The following CHRM3 variants were observed in gnomAD, a reference collection of about 807,000 sequenced individuals.
CHRM3 encodes muscarinic acetylcholine receptor M3.
Under a neutral mutation model 41.8 loss-of-function variants are expected in CHRM3, and 11 were observed. The ratio of observed to expected loss-of-function variants is 0.26; its 90% CI spans 0.17 to 0.44. The LOEUF (loss-of-function observed/expected upper bound fraction) is 0.44. CHRM3 is among the 20% of genes least tolerant of loss of function. CHRM3 has a pLI of 1.00. For missense variants in CHRM3, 571 were observed against 745.4 expected (o/e 0.77, Z 2.72); for synonymous variants, 297 against 301.4 (o/e 0.99, Z 0.15).
intron 6 of CHRM3, among the ~76,000 whole-genome samples, chr1:239,873,745 G>A (rs953914348): frequency 2.0e-5 from 3 of 152,076 alleles, no homozygotes; most frequent in Admixed American, 6.5e-5. Context: ...CCTTCTCATG[G>A]TTCCCCCTGC....
chr1:239,473,685 C>T (rs1284812975), intron 1 of CHRM3, among the ~76,000 whole-genome samples: 3 of 152,086 alleles, frequency 2.0e-5, no homozygotes, highest in Non-Finnish European at 4.4e-5. Context: ...ACTGTGGAAT[C>T]CTGTTCGCTG....
At chr1:239,881,253 A>G (rs1336376440) in intron 6 of CHRM3, among the ~76,000 whole-genome samples, 3 of 109,276 alleles carry the variant, frequency 2.7e-5, no homozygotes, top group Non-Finnish European at 5.1e-5. Flanking sequence ...CCTGCACTCC[A>G]GCCTGGGCGA....
chr1:239,552,336 T>A (rs1048200094), intron 3 of CHRM3, among the ~76,000 whole-genome samples: 3 of 148,182 alleles, frequency 2.0e-5, no homozygotes, highest in African/African-American at 4.9e-5. Context: ...ATAGATGATA[T>A]GTATCATATT....
chr1:239,567,144 GCTGTTTAAC>G (rs1035972305), intron 3 of CHRM3, among the ~76,000 whole-genome samples: 3 of 151,932 alleles, frequency 2.0e-5, no homozygotes, highest in Admixed American at 2.0e-4. Flanking sequence ...ACTGTTATGG[GCTGTTTAAC>G]CTATCTATTA....
chr1:239,483,408 C>T (rs118115330), intron 1 of CHRM3, among the ~76,000 whole-genome samples: 4 of 152,220 alleles, frequency 2.6e-5, no homozygotes, highest in East Asian at 3.9e-4. Flanking sequence ...TTCCTGTGTA[C>T]GGTCCTGGAA....
chr1:239,747,368 G>T (rs1452400071), intron 5 of CHRM3, among the ~76,000 whole-genome samples: 1 of 152,118 alleles, frequency 6.6e-6, no homozygotes, highest in Non-Finnish European at 1.5e-5. Context: ...CAAGTTTGTA[G>T]TAAGTCCAAC....
At chr1:239,420,904 T>G (rs1367771707) in intron 1 of CHRM3, among the ~76,000 whole-genome samples, 1 of 152,200 alleles carries the variant, frequency 6.6e-6, no homozygotes, top group African/African-American at 2.4e-5. Flanking sequence ...ACATTTAACC[T>G]GTAGGTGTGC....
chr1:239,505,452 G>A (rs569168154), intron 2 of CHRM3, among the ~76,000 whole-genome samples: 1 of 152,244 alleles, frequency 6.6e-6, no homozygotes, highest in Admixed American at 6.5e-5. Context: ...CATCAGATCT[G>A]ATGGTTACAT....
intron 5 of CHRM3, among the ~76,000 whole-genome samples, chr1:239,727,288 C>T (rs996516929): frequency 3.0e-4 from 45 of 151,938 alleles, no homozygotes; most frequent in African/African-American, 9.4e-4. Context: ...TCTGAGTAGC[C>T]TGCACCTGAC....
intron 1 of CHRM3, among the ~76,000 whole-genome samples, chr1:239,464,232 A>T (rs1665563512): frequency 6.6e-6 from 1 of 150,754 alleles, no homozygotes; most frequent in Admixed American, 6.6e-5. Flanking sequence ...GTGAACCAAG[A>T]TCGTGCCACT....
intron 5 of CHRM3, among the ~76,000 whole-genome samples, chr1:239,725,074 G>C (rs1468486652): frequency 6.6e-6 from 1 of 151,896 alleles, no homozygotes; most frequent in Non-Finnish European, 1.5e-5. Flanking sequence ...CCTTAGGATG[G>C]TGTTATCTTT....
chr1:239,716,863 A>G (rs976710202), intron 5 of CHRM3, among the ~76,000 whole-genome samples: 2 of 152,024 alleles, frequency 1.3e-5, no homozygotes, highest in African/African-American at 2.4e-5. Flanking sequence ...GTTTATTTGT[A>G]TGTGTATTTG....
At chr1:239,882,561 A>G (rs964778456) in intron 6 of CHRM3, among the ~76,000 whole-genome samples, 4 of 152,208 alleles carry the variant, frequency 2.6e-5, no homozygotes, top group Non-Finnish European at 5.9e-5. Context: ...AGAGAGATGC[A>G]GGAAGTTGCC....
intron 5 of CHRM3, among the ~76,000 whole-genome samples, chr1:239,720,863 CT>C (rs1344796250): frequency 6.6e-6 from 1 of 151,806 alleles, no homozygotes; most frequent in African/African-American, 2.4e-5. Context: ...TTTAAATATG[CT>C]TTATCTGCAG....
intron 6 of CHRM3, among the ~76,000 whole-genome samples, chr1:239,905,098 T>G (rs1184590639): frequency 1.3e-5 from 2 of 152,222 alleles, no homozygotes; most frequent in Non-Finnish European, 2.9e-5. Context: ...GCTGAATGTA[T>G]CAAATCGTTT....
chr1:239,578,176 G>A (rs1331055022), intron 3 of CHRM3, among the ~76,000 whole-genome samples: 1 of 152,168 alleles, frequency 6.6e-6, no homozygotes, highest in Non-Finnish European at 1.5e-5. Context: ...GGTCAGTTAG[G>A]TCAGTCAGTC....
intron 5 of CHRM3, among the ~76,000 whole-genome samples, chr1:239,824,090 C>T (rs1306111894): frequency 6.6e-6 from 1 of 152,064 alleles, no homozygotes; most frequent in Non-Finnish European, 1.5e-5. Flanking sequence ...CCGGCGGTGC[C>T]CTCTGTCTCG....
intron 3 of CHRM3, among the ~76,000 whole-genome samples, chr1:239,618,602 T>A (rs989267934): frequency 1.8e-4 from 28 of 151,930 alleles, no homozygotes; most frequent in Admixed American, 3.3e-4. Flanking sequence ...CCCAGCACTT[T>A]GGGAGGCCAA....
chr1:239,487,540 A>G (rs994833301), intron 1 of CHRM3, among the ~76,000 whole-genome samples: 4 of 152,152 alleles, frequency 2.6e-5, no homozygotes, highest in Admixed American at 6.5e-5. Context: ...CAAACACTTC[A>G]GACTTCACTG....
Sources: allele counts gnomAD v4.1 joint callset (sites outside exome capture counted in the v4.1 genomes callset), GRCh38; gene constraint gnomAD v4.1.1; transcripts MANE v1.5; gene names NCBI Gene and HGNC (gene_info 2026-07-23, HGNC 2026-07-21).